RAE1: variants seen among roughly 807,000 people sequenced by gnomAD.
RAE1 encodes the protein mRNA export factor RAE1.
A neutral mutation model predicts 52.7 loss-of-function variants in RAE1; 13 were observed. That is an observed-to-expected ratio of 0.25 (90% CI 0.16 to 0.39). The LOEUF (loss-of-function observed/expected upper bound fraction) is 0.39, where lower values mean the gene tolerates loss of function less well. Among genes scored for constraint, RAE1 ranks in the 10% least tolerant of loss-of-function variants. RAE1 has a pLI of 1.00. For synonymous variants in RAE1, 164 were observed against 153.1 expected, an observed-to-expected ratio of 1.07 and a Z score of -0.52; for missense variants, 262 against 459.8, an observed-to-expected ratio of 0.57 and a Z score of 3.93.
At chr20:57,374,933 C>T in intron 11 of RAE1, 132 bp downstream of exon 11, 1 of 984,990 alleles carries the variant, frequency 1.0e-6, no homozygotes, top group Non-Finnish European at 1.6e-6. Flanking sequence ...CGTCCCCTCC[C>T]TGTAAGGGGA....
chr20:57,375,297 T>G (rs2067097364), intron 11 of RAE1, among the ~76,000 whole-genome samples: 2 of 152,092 alleles, frequency 1.3e-5, no homozygotes, highest in Non-Finnish European at 2.9e-5. Context: ...CCAGCCTGCG[T>G]GTTTCTCCAC....
At chr20:57,359,027 T>C (rs78026223) in intron 4 of RAE1, 40,355 of 1,519,092 alleles carry the variant, frequency 0.027, 752 homozygotes, top group African/African-American at 0.089. Flanking sequence ...CAGCTGAACC[T>C]TCGTGTGGCC....
chr20:57,368,860 T>C, intron 8 of RAE1, 48 bp downstream of exon 8: 1 of 1,421,430 alleles, frequency 7.0e-7, no homozygotes, highest in Non-Finnish European at 9.8e-7. Flanking sequence ...ACCTGTTGTA[T>C]GCAAGATTGT....
At chr20:57,362,501 C>T (rs1015988859) in intron 4 of RAE1, among the ~76,000 whole-genome samples, 6 of 152,128 alleles carry the variant, frequency 3.9e-5, no homozygotes, top group African/African-American at 4.8e-5. Flanking sequence ...GATCGGGCAA[C>T]GGGTCAGAAT....
chr20:57,355,175 CT>C (rs2066766585), intron 3 of RAE1, among the ~76,000 whole-genome samples: 1 of 152,146 alleles, frequency 6.6e-6, no homozygotes, highest in Admixed American at 6.5e-5. Flanking sequence ...ATGTATGAAA[CT>C]TTTTCAACGT....
At chr20:57,358,306 G>A (rs1219266662) in intron 4 of RAE1, 2 of 152,268 alleles carry the variant, frequency 1.3e-5, no homozygotes, top group East Asian at 1.9e-4. Flanking sequence ...CATTCGATGA[G>A]TGTAAGGAAC....
intron 10 of RAE1, among the ~76,000 whole-genome samples, chr20:57,374,225 T>G (rs1431231093): frequency 6.6e-6 from 1 of 152,220 alleles, no homozygotes; most frequent in Non-Finnish European, 1.5e-5. Context: ...TGTTGTGTAT[T>G]TGTTTCTGAA....
intron 5 of RAE1, among the ~76,000 whole-genome samples, chr20:57,366,143 G>T (rs536827326): frequency 6.6e-6 from 1 of 152,226 alleles, no homozygotes; most frequent in Non-Finnish European, 1.5e-5. Context: ...TGTTATTTCT[G>T]AATATCTCCC....
intron 2 of RAE1, 148 bp downstream of exon 2, chr20:57,354,276 C>G: frequency 1.5e-6 from 1 of 663,788 alleles, no homozygotes; most frequent in South Asian, 2.0e-5. Context: ...CACTGGAGCA[C>G]AGAAAATGTG....
At chr20:57,370,197 CAGTG>C (rs533120191) in intron 8 of RAE1, among the ~76,000 whole-genome samples, 157 of 152,328 alleles carry the variant, frequency 1.0e-3, no homozygotes, top group Middle Eastern at 6.8e-3. Flanking sequence ...ATTTCTAACT[CAGTG>C]AGACCTTTGC....
intron 3 of RAE1, among the ~76,000 whole-genome samples, chr20:57,356,178 T>C (rs1390015442): frequency 1.3e-5 from 2 of 152,248 alleles, no homozygotes; most frequent in Admixed American, 1.3e-4. Context: ...AGTGATATTC[T>C]ACTTTAAAAG....
intron 11 of RAE1, among the ~76,000 whole-genome samples, chr20:57,376,487 A>G (rs2067117434): frequency 6.6e-6 from 1 of 152,132 alleles, no homozygotes; most frequent in Non-Finnish European, 1.5e-5. Flanking sequence ...CCTACGCTAC[A>G]TTTTCCCCTC....
At chr20:57,361,720 C>T (rs534020336) in intron 4 of RAE1, among the ~76,000 whole-genome samples, 1 of 152,108 alleles carries the variant, frequency 6.6e-6, no homozygotes, top group East Asian at 1.9e-4. Flanking sequence ...TAAAAAATAC[C>T]AAATGCATGA....
At chr20:57,365,491 T>C (rs2066942373) in intron 5 of RAE1, 49 bp downstream of exon 5, 1 of 1,281,406 alleles carries the variant, frequency 7.8e-7, no homozygotes, top group Admixed American at 2.2e-5. Flanking sequence ...TACCCAGGAC[T>C]GTGATGGCTC....
At chr20:57,352,234 A>C (rs1345283793) in intron 1 of RAE1, among the ~76,000 whole-genome samples, 3 of 152,236 alleles carry the variant, frequency 2.0e-5, no homozygotes, top group Non-Finnish European at 4.4e-5. Flanking sequence ...CAGTTGCGTA[A>C]ACATGGCAAG....
Position 57,373,564 on chromosome 20 carries a change from T to C in RAE1, c.732T>C (p.Tyr244=), listed in dbSNP as rs2146175959. ...GSIEGRVAIH[Y]INPPNPAKDN... ...TCGAGGGGAGAGTTGCTATTCACTA[T>C]ATCAACCCCCCGAACCCGTAAGTGT... is the stretch of plus-strand genomic sequence containing the variant. The change falls in exon 9 of 12, where the codon TAT becomes TAC. Residue 244 remains tyrosine, a synonymous_variant. Coordinates refer to ENST00000395841, the MANE Select transcript of RAE1 (RefSeq NM_003610.4). 6.2e-7 allele frequency: 1 copy of C among 1,614,114 alleles called. No homozygotes were observed. Among genetic ancestry groups the C allele is most frequent in the East Asian group, 2.2e-5 (1 of 44,884 alleles).
At position 57,352,034 on chromosome 20, in the gene RAE1, G is replaced by A. The variant is rs1329342639; in HGVS notation, c.-8+612G>A. 4.3e-6 allele frequency: 4 copies of A among 938,890 alleles called. No homozygotes were observed. The South Asian group carries it at 1.5e-4, about 35-fold the overall frequency. The allele number at this position is 938,890 out of a possible 1,614,324, so 58.2% of individuals were successfully genotyped here. On this transcript the variant is annotated intron_variant, in intron 1 of 11. Coordinates refer to ENST00000395841, the MANE Select transcript of RAE1 (RefSeq NM_003610.4). ...GCCCTCTTGGAGCCAGCATTCTGGG[G>A]GGGAAGAGATTTTGAGTGTAAACAA...
rs960451826 is a variant in RAE1 at position 57,373,351 on chromosome 20, T to C, written c.643-124T>C. 2.1e-5 allele frequency: 18 copies of C among 856,278 alleles called. No homozygotes were observed. In the African/African-American group the frequency reaches 2.7e-4, roughly 13 times the overall value. 53.0% of individuals were successfully genotyped at this position (856,278 alleles called of 1,614,324 possible). A position where few individuals can be genotyped will look rare whatever the true frequency, so the allele number is the denominator to read the frequency against. On this transcript the variant is annotated intron_variant, in intron 8 of 11. Coordinates refer to ENST00000395841, the MANE Select transcript of RAE1 (RefSeq NM_003610.4). ...GAAAGCAATGCTTACTGCTGTATCA[T>C]ATTTGAGTGATTTTTTCTGGTTCTT... is the stretch of plus-strand genomic sequence containing the variant.
Position 57,368,519 on chromosome 20 carries a change from G to A in RAE1, c.535-186G>A, listed in dbSNP as rs527767415. ...TATTTTATAGTTAGTTTTAAAACAC[G>A]AGACTTTTTAAAATATATGAATGTT... On this transcript the variant is annotated intron_variant, in intron 7 of 11. Coordinates refer to ENST00000395841, the MANE Select transcript of RAE1 (RefSeq NM_003610.4). 3.3e-5 allele frequency among the ~76,000 whole-genome samples: 5 copies of A among 152,240 alleles called. No homozygotes were observed. In the East Asian group the frequency reaches 7.7e-4, roughly 23 times the overall value.
Sources: allele counts gnomAD v4.1 joint callset (sites outside exome capture counted in the v4.1 genomes callset), GRCh38; gene constraint gnomAD v4.1.1; transcripts MANE v1.5; gene names NCBI Gene and HGNC (gene_info 2026-07-23, HGNC 2026-07-21).